The following GAPDH variants were observed in gnomAD, a reference collection of about 807,000 sequenced individuals.
The protein encoded by GAPDH is glyceraldehyde-3-phosphate dehydrogenase, also known as OCAS, p38 component.
A neutral mutation model predicts 31.2 loss-of-function variants in GAPDH; 13 were observed. The ratio of observed to expected loss-of-function variants is 0.42; its 90% CI spans 0.27 to 0.66. The LOEUF is 0.66. Ranked by LOEUF, GAPDH falls within the 30% of genes least tolerant of loss-of-function variation. The probability of loss-of-function intolerance (pLI) is 0.26; values close to 1 mark genes in which losing one functional copy is unlikely to be tolerated. For synonymous variants in GAPDH, 211 were observed against 166.9 expected (o/e 1.26, Z -2.04); for missense variants, 300 against 443.7 (o/e 0.68, Z 2.91).
In GAPDH at chr12:6,537,285, G is replaced by A. The variant is rs543388326; in HGVS notation, c.444-24G>A. ...CTATGGACACGCTCCCCTGACTTGC[G>A]CCCCGCTCCCTCTTTCTTTGCAGCA... is the stretch of plus-strand genomic sequence containing the variant. On this transcript the variant is annotated intron_variant, in intron 6 of 8. Coordinates refer to ENST00000229239, the MANE Select transcript of GAPDH (RefSeq NM_002046.7). This position sits in a 1 kb window ranked among gnomAD's most constrained non-coding sequence, Gnocchi z 4.9. 60 of 1,600,234 alleles carry A rather than the reference G, an allele frequency of 3.7e-5. No homozygotes were observed. The highest frequency in any genetic ancestry group is 3.3e-4 in the South Asian group (29 of 86,918).
At chr12:6,535,655 C>T (rs1417713755) in intron 2 of GAPDH, among the ~76,000 whole-genome samples, 1 of 152,140 alleles carries the variant, frequency 6.6e-6, no homozygotes, top group Non-Finnish European at 1.5e-5. Context: ...CTCACGGCCC[C>T]GCCCTTCCCC....
chr12:6,536,312 C>A (rs551108883), intron 2 of GAPDH, among the ~76,000 whole-genome samples, 182 bp from the exon 3 acceptor site: 6 of 152,252 alleles, frequency 3.9e-5, no homozygotes, highest in African/African-American at 1.4e-4. Flanking sequence ...TCAGTTGCAG[C>A]CATGCCTTAA....
intron 2 of GAPDH, among the ~76,000 whole-genome samples, chr12:6,535,663 C>A (rs1477737131): frequency 6.6e-6 from 1 of 152,168 alleles, no homozygotes; most frequent in Non-Finnish European, 1.5e-5. Context: ...CCCGCCCTTC[C>A]CCTGCCAGCC....
At chr12:6,535,547 C>T (rs540928823) in intron 2 of GAPDH, 22 of 706,260 alleles carry the variant, frequency 3.1e-5, no homozygotes, top group Admixed American at 1.9e-4. Context: ...GGCATGGTGC[C>T]AAGCCGGGAG....
intron 4 of GAPDH, 23 bp from the exon 5 acceptor site, chr12:6,536,897 C>T: frequency 1.2e-6 from 2 of 1,600,260 alleles, no homozygotes; most frequent in Non-Finnish European, 1.7e-6. Flanking sequence ...GGTCCTGTCC[C>T]CATCTCCCCC....
Position 6,534,584 on chromosome 12 carries a change from A to AGAGAAACCCGGGAGGC in GAPDH, c.-24+16_-24+31dup. The AGAGAAACCCGGGAGGC allele has an allele frequency of 3.6e-6, 2 of 552,784 alleles. No homozygotes were observed. The highest frequency in any genetic ancestry group is 6.4e-6 in the Non-Finnish European group (2 of 314,434). The allele number at this position is 552,784 out of a possible 1,614,324, so 34.2% of individuals were successfully genotyped here. On this transcript the variant is annotated intron_variant, in intron 1 of 8. Transcript: ENST00000229239. ...TGCGTCGCCAGGTGAAGACGGGCGG[A>AGAGAAACCCGGGAGGC]GAGAAACCCGGGAGGCTAGGGACGG...
At chr12:6,535,949 C>T (rs576151268) in intron 2 of GAPDH, among the ~76,000 whole-genome samples, 1 of 152,324 alleles carries the variant, frequency 6.6e-6, no homozygotes, top group African/African-American at 2.4e-5. Flanking sequence ...GGCAACTTGG[C>T]AAATCAAAGC....
rs1356621332 is a variant in GAPDH, at chr12:6,537,418, G to A, written c.525+28G>A. 23 of 1,599,364 alleles carry A rather than the reference G, an allele frequency of 1.4e-5. No individual in the cohort carries two copies. The highest frequency in any genetic ancestry group is 1.9e-5 in the Non-Finnish European group (22 of 1,170,144). On this transcript the variant is annotated intron_variant, in intron 7 of 8. Transcript: ENST00000229239. The surrounding 1 kb of genome is among the most constrained non-coding windows in gnomAD (Gnocchi z 4.9). ...ATGAGAGCTGGGGAATGGGACTGAG[G>A]CTCCCACCTTTCTCATCCAAGACTG...
intron 2 of GAPDH, chr12:6,535,600 A>C: frequency 3.3e-6 from 1 of 303,438 alleles, no homozygotes; most frequent in Non-Finnish European, 4.8e-6. Flanking sequence ...TTCCACCGCA[A>C]AATGGCCCCT....
At position 6,537,401 on chromosome 12, in the gene GAPDH, T is replaced by G. The variant is rs765811268; in HGVS notation, c.525+11T>G. 6.2e-7 allele frequency: 1 copy of G among 1,603,330 alleles called. No homozygotes were observed. The highest frequency in any genetic ancestry group is 1.1e-5 in the South Asian group (1 of 89,874). On this transcript the variant is annotated intron_variant, in intron 7 of 8. Transcript: ENST00000229239. The surrounding 1 kb of genome is among the most constrained non-coding windows in gnomAD (Gnocchi z 4.9). ...GTGGAAGGACTCATGGTATGAGAGC[T>G]GGGGAATGGGACTGAGGCTCCCACC...
rs1441580612 is a variant in GAPDH at position 6,537,859 on chromosome 12, G to C, written c.801G>C (p.Glu267Asp). Residue 267 changes from glutamate to aspartate, a missense_variant, in exon 8 of 9, where the codon GAG becomes GAC. Physicochemically the swap from Glu to Asp is conservative, Grantham distance 45. Coordinates refer to ENST00000229239, the MANE Select transcript of GAPDH (RefSeq NM_002046.7). This position sits in a 1 kb window ranked among gnomAD's most constrained non-coding sequence, Gnocchi z 4.9. ...AGAAGGTGGTGAAGCAGGCGTCGGA[G>C]GGCCCCCTCAAGGGCATCCTGGGCT... ...DIKKVVKQASEGPLKGILGYT... is the reference protein window; with the variant it reads ...DIKKVVKQASDGPLKGILGYT... 9.9e-6 allele frequency: 16 copies of C among 1,612,850 alleles called. No homozygotes were observed. The highest frequency in any genetic ancestry group is 3.3e-5 in the Admixed American group (2 of 60,006).
At chr12:6,534,882 G>A in intron 2 of GAPDH, 21 bp downstream of exon 2, 1 of 1,612,210 alleles carries the variant, frequency 6.2e-7, no homozygotes, top group Non-Finnish European at 8.5e-7. Flanking sequence ...GGGTGGCTGG[G>A]GGGCCCTGGG....
intron 2 of GAPDH, 33 bp downstream of exon 2, chr12:6,534,894 T>C (rs764377735): frequency 1.9e-6 from 3 of 1,609,590 alleles, no homozygotes; most frequent in Non-Finnish European, 1.7e-6. Flanking sequence ...GGCCCTGGGC[T>C]GCGACCGCCC....
At chr12:6,535,518 G>A in intron 2 of GAPDH, 9 of 892,524 alleles carry the variant, frequency 1.0e-5, no homozygotes, top group Non-Finnish European at 1.2e-5. Context: ...TCCCCTCCCC[G>A]CAGAGGTGTG....
rs1232097767 is a variant in GAPDH, at chr12:6,538,107, C to T, written c.945C>T (p.Asp315=). Residue 315 remains aspartate, a synonymous_variant, in exon 9 of 9, where the codon GAC becomes GAT. Coordinates refer to ENST00000229239, the MANE Select transcript of GAPDH (RefSeq NM_002046.7). The stretch of plus-strand genomic sequence containing the variant: ...AACTCTTTTCATCTTCTAGGTATGA[C>T]AACGAATTTGGCTACAGCAACAGGG... The part of the protein sequence containing the change: ...DHFVKLISWY[D]NEFGYSNRVV... The T allele has an allele frequency of 2.5e-6, 4 of 1,613,954 alleles. No homozygotes were observed. The highest frequency in any genetic ancestry group is 3.4e-6 in the Non-Finnish European group (4 of 1,179,974).
rs1271310017 is a variant in GAPDH at position 6,534,517 on chromosome 12, G to C, written c.-76G>C. The C allele has an allele frequency of 6.9e-6, 3 of 435,652 alleles. No individual in the cohort carries two copies. Among genetic ancestry groups the C allele is most frequent in the Non-Finnish European group, 1.3e-5 (3 of 238,240 alleles). The allele number at this position is 435,652 out of a possible 1,614,324, so 27.0% of individuals were successfully genotyped here. On this transcript the variant is annotated 5_prime_UTR_variant, in exon 1 of 9. Transcript: ENST00000229239. ...AATTGAGCCCGCAGCCTCCCGCTTC[G>C]CTCTCTGCTCCTCCTGTTCGACAGT...
intron 2 of GAPDH, 74 bp downstream of exon 2, chr12:6,534,935 C>T (rs1397470542): frequency 2.6e-6 from 4 of 1,521,666 alleles, no homozygotes; most frequent in Non-Finnish European, 3.6e-6. Flanking sequence ...TTGCGGGCTC[C>T]GGGTCTTTGC....
chr12:6,538,331 C>T lies in GAPDH; in HGVS notation c.*161C>T. On this transcript the variant is annotated 3_prime_UTR_variant, in exon 9 of 9. Transcript: ENST00000229239. ...GAGGGGAGGGGCCTAGGGAGCCGCA[C>T]CTTGTCATGTACCATCAATAAAGTA... The T allele has an allele frequency of 1.6e-6, 1 of 631,736 alleles. No homozygotes were observed. Among genetic ancestry groups the T allele is most frequent in the East Asian group, 2.7e-5 (1 of 36,606 alleles). The allele number at this position is 631,736 out of a possible 1,614,324, so 39.1% of individuals were successfully genotyped here.
At chr12:6,535,199 G>A (rs1946436536) in intron 2 of GAPDH, 1 of 1,102,686 alleles carries the variant, frequency 9.1e-7, no homozygotes, top group Non-Finnish European at 1.1e-6. Flanking sequence ...TCGCAGAGGA[G>A]CCCCTCCCCC....
Sources: gnomAD v4.1 joint callset for allele counts (sites outside exome capture counted in the v4.1 genomes callset) on GRCh38, gnomAD v4.1.1 for gene constraint, Gnocchi (gnomAD v3.1) non-coding constraint, MANE v1.5 for transcripts, NCBI Gene and HGNC (gene_info 2026-07-23, HGNC 2026-07-21) for gene names.